The following UTS2 variants were observed in gnomAD, a reference collection of about 807,000 sequenced individuals.
UTS2 encodes urotensin-2.
Under a neutral mutation model 12.6 loss-of-function variants are expected in UTS2, and 10 were observed. That is an observed-to-expected ratio of 0.80 (90% CI 0.49 to 1.35). UTS2 has a LOEUF of 1.35. UTS2 is among the 40% of genes most tolerant of loss of function. The pLI is 0.00. For synonymous variants in UTS2, 52 were observed against 50.0 expected, an observed-to-expected ratio of 1.04 and a Z score of -0.17; for missense variants, 142 against 143.2, an observed-to-expected ratio of 0.99 and a Z score of 0.04.
chr1:7,882,890 A>G, the UTS2 span, among the ~76,000 whole-genome samples: 4 of 152,232 alleles, frequency 2.6e-5, no homozygotes, highest in East Asian at 7.7e-4. Flanking sequence ...TCGAATGGCT[A>G]TTATCAAAAA....
upstream of UTS2, among the ~76,000 whole-genome samples, chr1:7,854,520 A>AG: frequency 6.0e-5 from 1 of 16,792 alleles, no homozygotes; most frequent in East Asian, 2.5e-3. Flanking sequence ...TCAAAAAAAA[A>AG]AAAAAAAAGA....
chr1:7,883,061 C>T, the UTS2 span, among the ~76,000 whole-genome samples: 1 of 152,006 alleles, frequency 6.6e-6, no homozygotes, highest in Admixed American at 6.6e-5. Flanking sequence ...AAAATCAGTA[C>T]ATCAAAGCTA....
At chr1:7,874,574 G>A in the UTS2 span, among the ~76,000 whole-genome samples, 1 of 152,174 alleles carries the variant, frequency 6.6e-6, no homozygotes, top group African/African-American at 2.4e-5. Flanking sequence ...CAGGGAGGCT[G>A]CCCCTGGGAC....
At chr1:7,897,172 G>A in the UTS2 span, among the ~76,000 whole-genome samples, 1 of 152,176 alleles carries the variant, frequency 6.6e-6, no homozygotes, top group South Asian at 2.1e-4. Flanking sequence ...TTAACAATGA[G>A]TTCTTGGGGA....
rs1254751369 is a variant in UTS2 at position 7,852,978 on chromosome 1, A to G, written c.26T>C (p.Leu9Ser). 1.2e-6 allele frequency: 2 copies of G among 1,613,646 alleles called. No individual in the cohort carries two copies. Among genetic ancestry groups the G allele is most frequent in the Non-Finnish European group, 1.7e-6 (2 of 1,179,860 alleles). Reference sequence around the variant, plus strand: ...AGGATTTAAGAATCCTATGAAAAGCAAACAGCAGGAGGCCAGCTTATACAT... The same window carrying G: ...AGGATTTAAGAATCCTATGAAAAGCGAACAGCAGGAGGCCAGCTTATACAT... MYKLASCC[L>S]LFIGFLNPLL... is the part of the protein sequence containing the mutation. The change falls in exon 1 of 4, where the codon TTG becomes TCG. Residue 9 changes from leucine (L) to serine (S), a missense_variant. Transcript: ENST00000361696.
chr1:7,855,756 C>T (rs1437112754), upstream of UTS2, among the ~76,000 whole-genome samples: 3 of 151,596 alleles, frequency 2.0e-5, no homozygotes, highest in Non-Finnish European at 4.4e-5. Flanking sequence ...GGCTGGAGTT[C>T]AGTGGCGTGA....
chr1:7,860,487 A>T, the UTS2 span, among the ~76,000 whole-genome samples: 1 of 152,182 alleles, frequency 6.6e-6, no homozygotes, highest in South Asian at 2.1e-4. Flanking sequence ...TCCGGAAGCC[A>T]CCGTAAGGAC....
intron 1 of UTS2, 31 bp downstream of exon 1, chr1:7,852,870 G>A (rs762838542): frequency 5.9e-5 from 94 of 1,585,992 alleles, no homozygotes; most frequent in Non-Finnish European, 7.8e-5. Flanking sequence ...GCTCTTTCAA[G>A]ACTAACATAA....
At chr1:7,881,790 C>T in the UTS2 span, among the ~76,000 whole-genome samples, 4 of 152,036 alleles carry the variant, frequency 2.6e-5, no homozygotes, top group Admixed American at 6.6e-5. Context: ...CCCTAAAATT[C>T]GTATGGGACC....
chr1:7,861,376 G>T, the UTS2 span, among the ~76,000 whole-genome samples: 1 of 152,264 alleles, frequency 6.6e-6, no homozygotes, highest in East Asian at 1.9e-4. Context: ...GGCCTGGGGG[G>T]TTGGAAGTCT....
chr1:7,852,921 T>C lies in UTS2; in HGVS notation c.83A>G (p.Glu28Gly), dbSNP rs767422480. The C allele has an allele frequency of 1.5e-5, 24 of 1,610,902 alleles. No individual in the cohort carries two copies. The highest frequency in any genetic ancestry group is 2.0e-5 in the Non-Finnish European group (24 of 1,179,004). The change falls in exon 1 of 4, where the codon GAA becomes GGA. Residue 28 changes from glutamate to glycine, a missense_variant. Coordinates refer to ENST00000361696, the MANE Select transcript of UTS2 (RefSeq NM_006786.4). ...LLSLPLLDSR[E>G]ISFQLSAPHE... ...CTTACCTGAGAGTTGAAAGGATATT[T>C]CCCTGGAGTCAAGGAGAGGAAGAGA...
At chr1:7,904,679 C>T in the UTS2 span, among the ~76,000 whole-genome samples, 1 of 151,970 alleles carries the variant, frequency 6.6e-6, no homozygotes. Flanking sequence ...ATGAGGCAGG[C>T]AGATCACCTG....
upstream of UTS2, chr1:7,853,140 A>AC: frequency 7.1e-7 from 1 of 1,403,482 alleles, no homozygotes; most frequent in Admixed American, 2.8e-5. Flanking sequence ...AAAAAAAAAA[A>AC]TGAATTTATT....
At chr1:7,887,812 A>T in the UTS2 span, among the ~76,000 whole-genome samples, 1 of 151,928 alleles carries the variant, frequency 6.6e-6, no homozygotes, top group Non-Finnish European at 1.5e-5. Flanking sequence ...CGATAAATGT[A>T]TCTGGAATTT....
the UTS2 span, among the ~76,000 whole-genome samples, chr1:7,901,604 CTA>C: frequency 1.6e-5 from 2 of 122,020 alleles, no homozygotes; most frequent in African/African-American, 3.7e-5. Context: ...ATATATTCAT[CTA>C]TGTGTGTGTG....
chr1:7,889,564 G>A, the UTS2 span, among the ~76,000 whole-genome samples: 1 of 152,210 alleles, frequency 6.6e-6, no homozygotes, highest in Non-Finnish European at 1.5e-5. Context: ...CAGCACTTTG[G>A]GAGGCCAAGG....
At chr1:7,851,330 C>G (rs2097413955) in intron 1 of UTS2, among the ~76,000 whole-genome samples, 2 of 149,886 alleles carry the variant, frequency 1.3e-5, no homozygotes, top group Non-Finnish European at 3.0e-5. Flanking sequence ...AAAGAAAGAT[C>G]GTTTACAATC....
the UTS2 span, among the ~76,000 whole-genome samples, chr1:7,907,770 C>A: frequency 6.6e-6 from 1 of 152,150 alleles, no homozygotes; most frequent in Non-Finnish European, 1.5e-5. Context: ...CAACTCCAAA[C>A]TCAGAGTAGG....
At chr1:7,866,226 G>A in the UTS2 span, among the ~76,000 whole-genome samples, 8 of 152,164 alleles carry the variant, frequency 5.3e-5, no homozygotes, top group Admixed American at 2.0e-4. This position sits in a 1 kb window ranked among gnomAD's most constrained non-coding sequence, Gnocchi z 4.5. Flanking sequence ...GACCTGGCTC[G>A]CCCATCTGGA....
Sources: allele counts gnomAD v4.1 joint callset (sites outside exome capture counted in the v4.1 genomes callset), GRCh38; gene constraint gnomAD v4.1.1; non-coding constraint Gnocchi (gnomAD v3.1); transcripts MANE v1.5; gene names NCBI Gene and HGNC (gene_info 2026-07-23, HGNC 2026-07-21).